LUZP2: variants seen among roughly 807,000 people sequenced by gnomAD.
LUZP2 encodes the protein leucine zipper protein 2.
In LUZP2, 52 loss-of-function variants were observed where a neutral mutation model predicts 51.6. The ratio of observed to expected loss-of-function variants is 1.01; its 90% CI spans 0.81 to 1.27. The LOEUF (loss-of-function observed/expected upper bound fraction) is 1.27. LUZP2 is among the 50% of genes most tolerant of loss of function. LUZP2 has a pLI of 0.00. For missense variants in LUZP2, 436 were observed against 395.4 expected (o/e 1.10, Z -0.87); for synonymous variants, 154 against 137.3 (o/e 1.12, Z -0.85).
At chr11:24,656,925 T>A (rs1855826147) in intron 1 of LUZP2, among the ~76,000 whole-genome samples, 1 of 152,212 alleles carries the variant, frequency 6.6e-6, no homozygotes, top group Non-Finnish European at 1.5e-5. Flanking sequence ...TTAATGTCTG[T>A]AACTTTATTG....
At position 24,718,148 on chromosome 11, in the gene LUZP2, G is replaced by C. The variant is rs942288561; in HGVS notation, c.63-11021G>C. Among the ~76,000 whole-genome samples the C allele has an allele frequency of 2.0e-5, 3 of 152,224 alleles. No individual in the cohort carries two copies. The East Asian group carries it at 5.8e-4, about 29-fold the overall frequency. On this transcript the variant is annotated intron_variant, in intron 1 of 11. Coordinates refer to ENST00000336930, the MANE Select transcript of LUZP2 (RefSeq NM_001009909.4). ...TCAAAAACTGGCTGTGGGGAAAAGA[G>C]TGAGCGGGTTGTGTGGCCGAACGAT...
Position 24,835,375 on chromosome 11 carries a change from A to G in LUZP2, c.397-70616A>G, listed in dbSNP as rs140890656. Reference sequence around the variant, plus strand: ...AAAACCCTAAAAGAAAACCTTGGCAATACCATTCAGGACATAGGCATGGGC... The same window carrying G: ...AAAACCCTAAAAGAAAACCTTGGCAGTACCATTCAGGACATAGGCATGGGC... On this transcript the variant is annotated intron_variant, in intron 5 of 11. Transcript: ENST00000336930. Among the ~76,000 whole-genome samples, 968 of 152,288 alleles carry G rather than the reference A, an allele frequency of 6.4e-3. 5 individuals are homozygous for G. Among genetic ancestry groups the G allele is most frequent in the Non-Finnish European group, 0.01 (714 of 68,014 alleles).
intron 3 of LUZP2, among the ~76,000 whole-genome samples, chr11:24,736,489 T>A (rs1203406951): frequency 9.6e-6 from 1 of 104,184 alleles, no homozygotes; most frequent in Non-Finnish European, 2.3e-5. Flanking sequence ...CCTTCCTTCC[T>A]TCCTTCCTTC....
chr11:24,860,174 C>G (rs191629553), intron 5 of LUZP2, among the ~76,000 whole-genome samples: 1 of 152,190 alleles, frequency 6.6e-6, no homozygotes, highest in Non-Finnish European at 1.5e-5. Context: ...GGCTGTCATC[C>G]GTCATCTGTG....
intron 1 of LUZP2, among the ~76,000 whole-genome samples, chr11:24,538,513 T>G (rs982151857): frequency 5.3e-5 from 8 of 151,760 alleles, no homozygotes; most frequent in African/African-American, 1.9e-4. Context: ...ATTGTACACC[T>G]TAAATATGTT....
chr11:24,531,184 T>C (rs557737801), intron 1 of LUZP2, among the ~76,000 whole-genome samples: 14 of 150,630 alleles, frequency 9.3e-5, no homozygotes, highest in African/African-American at 2.7e-4. Context: ...AATTTTAAAA[T>C]ATGAGAACCT....
chr11:24,595,683 A>T (rs1853419484), intron 1 of LUZP2, among the ~76,000 whole-genome samples: 1 of 152,248 alleles, frequency 6.6e-6, no homozygotes, highest in South Asian at 2.1e-4. Flanking sequence ...TAAATAAATG[A>T]AGCTAGGATC....
chr11:24,790,811 A>G (rs1309705873), intron 5 of LUZP2, among the ~76,000 whole-genome samples: 1 of 151,962 alleles, frequency 6.6e-6, no homozygotes, highest in Non-Finnish European at 1.5e-5. Flanking sequence ...CAATCCTTTT[A>G]TTCATTGTCT....
intron 5 of LUZP2, among the ~76,000 whole-genome samples, chr11:24,792,569 G>A (rs1453279276): frequency 3.3e-5 from 5 of 152,082 alleles, no homozygotes; most frequent in Non-Finnish European, 5.9e-5. Flanking sequence ...GTACGGCACT[G>A]TTATAATCTC....
In LUZP2 at chr11:24,842,092, G is replaced by T. The variant is rs553394014; in HGVS notation, c.397-63899G>T. 2.0e-5 allele frequency among the ~76,000 whole-genome samples: 3 copies of T among 151,232 alleles called. No homozygotes were observed. In the South Asian group the frequency reaches 6.3e-4, roughly 32 times the overall value. On this transcript the variant is annotated intron_variant, in intron 5 of 11. Coordinates refer to ENST00000336930, the MANE Select transcript of LUZP2 (RefSeq NM_001009909.4). ...TTGAAAGTAAAAATATAAAAAAATA[G>T]ATATACTGACACTTATTTTTAAAAG...
intron 1 of LUZP2, among the ~76,000 whole-genome samples, chr11:24,659,452 G>A (rs1451271960): frequency 6.6e-6 from 1 of 152,004 alleles, no homozygotes; most frequent in Non-Finnish European, 1.5e-5. Context: ...GACAGCATTA[G>A]GAGATATACC....
intron 7 of LUZP2, among the ~76,000 whole-genome samples, chr11:24,938,986 G>A (rs1214141217): frequency 6.6e-6 from 1 of 152,112 alleles, no homozygotes; most frequent in Non-Finnish European, 1.5e-5. Context: ...GCAAGGTGCT[G>A]AGTCTAATGG....
At chr11:24,894,265 C>G (rs542339935) in intron 5 of LUZP2, among the ~76,000 whole-genome samples, 5 of 150,520 alleles carry the variant, frequency 3.3e-5, no homozygotes, top group Non-Finnish European at 7.4e-5. Context: ...ACCTCCGCCT[C>G]CCGGGTTCAA....
At chr11:24,562,719 G>T (rs1852086701) in intron 1 of LUZP2, among the ~76,000 whole-genome samples, 1 of 146,092 alleles carries the variant, frequency 6.8e-6, no homozygotes, top group Non-Finnish European at 1.5e-5. Flanking sequence ...AAAATTACCT[G>T]GGCGTGGTGG....
chr11:24,592,481 T>A (rs897302446), intron 1 of LUZP2, among the ~76,000 whole-genome samples: 14 of 152,202 alleles, frequency 9.2e-5, no homozygotes, highest in Non-Finnish European at 1.8e-4. Context: ...GCCTGTTACA[T>A]GATATTTTTC....
In LUZP2 at chr11:25,006,442, C is replaced by T. The variant is rs545388764; in HGVS notation, c.765+23149C>T. On this transcript the variant is annotated intron_variant, in intron 9 of 11. Coordinates refer to ENST00000336930, the MANE Select transcript of LUZP2 (RefSeq NM_001009909.4). ...TGAATGGCTTTCCTCTCTGTCAGCC[C>T]TTGGCTCAGCCTAGAAGTACAGAAA... Among the ~76,000 whole-genome samples the T allele has an allele frequency of 6.6e-5, 10 of 152,272 alleles. No homozygotes were observed. In the East Asian group the frequency reaches 1.9e-3, roughly 29 times the overall value.
At chr11:24,872,109 A>C (rs1852095431) in intron 5 of LUZP2, among the ~76,000 whole-genome samples, 1 of 151,836 alleles carries the variant, frequency 6.6e-6, no homozygotes, top group South Asian at 2.1e-4. Context: ...CCGGGTTCTG[A>C]TTTCCTTGTA....
At chr11:24,607,016 G>A (rs995997674) in intron 1 of LUZP2, among the ~76,000 whole-genome samples, 7 of 151,808 alleles carry the variant, frequency 4.6e-5, no homozygotes, top group Admixed American at 2.0e-4. Context: ...CTGCTGAATT[G>A]TACGACTTCC....
At chr11:24,637,740 A>C (rs1855153274) in intron 1 of LUZP2, among the ~76,000 whole-genome samples, 1 of 151,870 alleles carries the variant, frequency 6.6e-6, no homozygotes, top group African/African-American at 2.4e-5. Context: ...AATTCTAGTC[A>C]GACCGGTTCT....
Sources: gnomAD v4.1 joint callset for allele counts (sites outside exome capture counted in the v4.1 genomes callset) on GRCh38, gnomAD v4.1.1 for gene constraint, MANE v1.5 for transcripts, NCBI Gene and HGNC (gene_info 2026-07-23, HGNC 2026-07-21) for gene names.